ADAM22: variants seen among roughly 807,000 people sequenced by gnomAD.
ADAM22 encodes disintegrin and metalloproteinase domain-containing protein 22.
ADAM22 carries 65 observed loss-of-function variants against 144.6 expected under a neutral mutation model. That is an observed-to-expected ratio of 0.45 (90% CI 0.37 to 0.55). ADAM22 has a LOEUF of 0.55. Ranked by LOEUF, ADAM22 falls within the 20% of genes least tolerant of loss-of-function variation. ADAM22 has a pLI of 0.00. For synonymous variants in ADAM22, 391 were observed against 412.6 expected, an observed-to-expected ratio of 0.95 and a Z score of 0.63; for missense variants, 974 against 1,184.9, an observed-to-expected ratio of 0.82 and a Z score of 2.61.
At chr7:87,977,669 A>G (rs949229935) in intron 2 of ADAM22, among the ~76,000 whole-genome samples, 9 of 152,096 alleles carry the variant, frequency 5.9e-5, no homozygotes, top group African/African-American at 2.2e-4. Context: ...GGGAAACACT[A>G]TATTTTTTAG....
At chr7:88,130,074 T>C (rs1831377554) in intron 9 of ADAM22, among the ~76,000 whole-genome samples, 1 of 152,106 alleles carries the variant, frequency 6.6e-6, no homozygotes, top group East Asian at 1.9e-4. Context: ...TCATATGTTT[T>C]ATCATTTTGA....
intron 3 of ADAM22, among the ~76,000 whole-genome samples, chr7:88,019,202 C>T (rs531013889): frequency 6.6e-6 from 1 of 152,138 alleles, no homozygotes; most frequent in Non-Finnish European, 1.5e-5. Context: ...GGCCAGGTGT[C>T]ATGGCTCACA....
chr7:87,989,949 C>T (rs943679643), intron 3 of ADAM22, among the ~76,000 whole-genome samples: 1 of 151,934 alleles, frequency 6.6e-6, no homozygotes, highest in African/African-American at 2.4e-5. Flanking sequence ...TATTTATATT[C>T]CAATTCAGTG....
At chr7:88,113,699 A>T (rs28655456) in intron 5 of ADAM22, among the ~76,000 whole-genome samples, 641 of 39,216 alleles carry the variant, frequency 0.016, 14 homozygotes, top group African/African-American at 0.06. Flanking sequence ...TAAATAAATA[A>T]ATAAATATAT....
At chr7:87,955,782 A>T (rs1846533741) in intron 2 of ADAM22, among the ~76,000 whole-genome samples, 1 of 152,216 alleles carries the variant, frequency 6.6e-6, no homozygotes, top group Non-Finnish European at 1.5e-5. Flanking sequence ...GGGTCCACCC[A>T]GTTCGAGCTT....
intron 2 of ADAM22, among the ~76,000 whole-genome samples, chr7:87,938,493 A>G (rs1032448186): frequency 1.3e-5 from 2 of 152,050 alleles, no homozygotes; most frequent in Non-Finnish European, 2.9e-5. Context: ...TGCTGGGATT[A>G]CAAACATGAG....
chr7:88,052,881 A>G (rs7791210), intron 3 of ADAM22, among the ~76,000 whole-genome samples: 1,586 of 152,342 alleles, frequency 0.01, 22 homozygotes, highest in African/African-American at 0.036. Flanking sequence ...GGCTGCCATC[A>G]TTCATGTTGA....
intron 3 of ADAM22, among the ~76,000 whole-genome samples, chr7:88,009,698 A>C (rs1794923250): frequency 6.6e-6 from 1 of 152,162 alleles, no homozygotes; most frequent in African/African-American, 2.4e-5. Context: ...TTATTATTTT[A>C]GACATCTGGT....
intron 5 of ADAM22, among the ~76,000 whole-genome samples, chr7:88,109,342 A>G (rs1431838760): frequency 6.6e-6 from 1 of 152,184 alleles, no homozygotes; most frequent in African/African-American, 2.4e-5. Context: ...CATCCTGTCG[A>G]TAATGATAAT....
chr7:87,980,117 G>C (rs1328336606), intron 3 of ADAM22, among the ~76,000 whole-genome samples: 1 of 152,140 alleles, frequency 6.6e-6, no homozygotes. Context: ...ATCAAAGCGT[G>C]AAGTTTAGAA....
intron 4 of ADAM22, among the ~76,000 whole-genome samples, chr7:88,079,069 G>A (rs1011438545): frequency 1.3e-5 from 2 of 152,060 alleles, no homozygotes; most frequent in Non-Finnish European, 2.9e-5. Flanking sequence ...TTGAAATGAA[G>A]GAAAAAATGT....
intron 3 of ADAM22, among the ~76,000 whole-genome samples, chr7:88,048,386 G>T (rs964816477): frequency 6.6e-6 from 1 of 151,960 alleles, no homozygotes; most frequent in Non-Finnish European, 1.5e-5. Flanking sequence ...AGGCATTTTG[G>T]TGACTAGAAA....
intron 7 of ADAM22, among the ~76,000 whole-genome samples, chr7:88,123,556 G>A (rs1285932541): frequency 6.6e-6 from 1 of 151,860 alleles, no homozygotes; most frequent in African/African-American, 2.4e-5. Flanking sequence ...AATCTGTAGT[G>A]ATTTGCTTTC....
chr7:88,082,800 A>ACC lies in ADAM22; in HGVS notation c.390+7109_390+7110dup, dbSNP rs1221910882. Among the ~76,000 whole-genome samples, 3 of 152,228 alleles carry ACC rather than the reference A, an allele frequency of 2.0e-5. No individual in the cohort carries two copies. The East Asian group carries it at 5.8e-4, about 29-fold the overall frequency. ...AAACCACAATGAGATACCATCTCAC[A>ACC]CCAGTTAGAATGGCGATCATTAAAA... On this transcript the variant is annotated intron_variant, in intron 4 of 31. Coordinates refer to ENST00000413139, the MANE Select transcript of ADAM22 (RefSeq NM_001324418.2).
chr7:88,053,845 TG>T (rs1230280279), intron 3 of ADAM22, among the ~76,000 whole-genome samples: 2 of 151,266 alleles, frequency 1.3e-5, no homozygotes, highest in African/African-American at 4.8e-5. Context: ...CAAATGGTGC[TG>T]TGGGCTGGGC....
At chr7:88,172,652 A>G (rs894134103) in intron 26 of ADAM22, among the ~76,000 whole-genome samples, 2 of 152,008 alleles carry the variant, frequency 1.3e-5, no homozygotes, top group African/African-American at 4.8e-5. Context: ...GTATAAATAT[A>G]TAGTGCCCAT....
chr7:88,135,722 A>G (rs115694914), intron 13 of ADAM22, among the ~76,000 whole-genome samples: 1 of 152,192 alleles, frequency 6.6e-6, no homozygotes, highest in Non-Finnish European at 1.5e-5. Flanking sequence ...GCCATTTTAA[A>G]TAAATGGTTT....
intron 2 of ADAM22, among the ~76,000 whole-genome samples, chr7:87,971,946 T>C (rs571567493): frequency 1.3e-5 from 2 of 152,286 alleles, no homozygotes; most frequent in African/African-American, 4.8e-5. Context: ...ATCCCAGCAC[T>C]TTGGGAGGCC....
chr7:88,021,915 C>G (rs1479698681), intron 3 of ADAM22, among the ~76,000 whole-genome samples: 1 of 151,600 alleles, frequency 6.6e-6, no homozygotes. Flanking sequence ...CTCTGTCGCT[C>G]AGGCTGGGGT....
Sources: allele counts gnomAD v4.1 joint callset (sites outside exome capture counted in the v4.1 genomes callset), GRCh38; gene constraint gnomAD v4.1.1; transcripts MANE v1.5; gene names NCBI Gene and HGNC (gene_info 2026-07-23, HGNC 2026-07-21).